The following AHNAK variants were observed in gnomAD, a reference collection of about 807,000 sequenced individuals.
AHNAK encodes the protein AHNAK nucleoprotein.
AHNAK carries 23 observed loss-of-function variants against 37.8 expected under a neutral mutation model. The observed-to-expected ratio is 0.61, with a 90% confidence interval of 0.44 to 0.86. The LOEUF (loss-of-function observed/expected upper bound fraction) is 0.86, where lower values mean the gene tolerates loss of function less well. Among genes scored for constraint, AHNAK ranks in the 40% least tolerant of loss-of-function variants. AHNAK has a pLI of 0.00. For missense variants in AHNAK, 7,411 were observed against 7,319.4 expected (o/e 1.01, Z -0.46); for synonymous variants, 2,481 against 2,636.3 (o/e 0.94, Z 1.80).
chr11:62,457,067 G>C (rs533072154), intron 5 of AHNAK, among the ~76,000 whole-genome samples: 1 of 152,164 alleles, frequency 6.6e-6, no homozygotes, highest in Admixed American at 6.5e-5. Context: ...TTGGGAGGCC[G>C]AGGCGGGAGG....
intron 5 of AHNAK, among the ~76,000 whole-genome samples, chr11:62,457,569 C>A (rs1419153012): frequency 2.6e-5 from 4 of 151,938 alleles, no homozygotes; most frequent in Admixed American, 1.3e-4. Context: ...GCGGAGGTTG[C>A]AGTGAGCCAA....
downstream of AHNAK, among the ~76,000 whole-genome samples, chr11:62,514,490 T>A (rs1245987774): frequency 6.6e-6 from 1 of 152,298 alleles, no homozygotes; most frequent in South Asian, 2.1e-4. Context: ...GCAGGGGGTT[T>A]CTGTAGAAGA....
intron 5 of AHNAK, among the ~76,000 whole-genome samples, chr11:62,444,688 G>C (rs1452314663): frequency 1.3e-5 from 2 of 152,176 alleles, no homozygotes; most frequent in Non-Finnish European, 2.9e-5. Context: ...TTTCCCATGG[G>C]GCACAGCACG....
rs746097484 is a variant in AHNAK, at chr11:62,533,557, C to G, written c.860G>C (p.Arg287Thr). ...AGATGGGCCCTGTACCTCTACTGCC[C>G]TACCCCCAAGAGAAGATGAAATGTC... Reference protein sequence around the residue: ...AVDISSSLGGRAVEVQGPSLE... With the variant: ...AVDISSSLGGTAVEVQGPSLE... Residue 287 changes from arginine to threonine, a missense_variant, in exon 5 of 5, where the codon AGG (arginine) becomes ACG (threonine). Arg to Thr is a moderately conservative substitution (Grantham distance 71). Transcript: ENST00000378024. The G allele has an allele frequency of 4.3e-6, 7 of 1,614,190 alleles. No individual in the cohort carries two copies. In the South Asian group the frequency reaches 6.6e-5, roughly 15 times the overall value.
rs756940344 is a variant in AHNAK at position 62,522,650 on chromosome 11, C to T, written c.11767G>A (p.Val3923Ile). 16 of 1,612,848 alleles carry T rather than the reference C, an allele frequency of 9.9e-6. No individual in the cohort carries two copies. Among genetic ancestry groups the T allele is most frequent in the South Asian group, 4.4e-5 (4 of 91,022 alleles). Reference sequence around the variant, plus strand: ...TTCAGGTGCCAGTCTGGGCCTCGAACATCCACATCTGGGGCATTAATATCC... The same window carrying T: ...TTCAGGTGCCAGTCTGGGCCTCGAATATCCACATCTGGGGCATTAATATCC... ...KVDINAPDVD[V>I]RGPDWHLKMP... The change falls in exon 5 of 5, where the codon GTT becomes ATT. Residue 3923 changes from valine to isoleucine, a missense_variant. Physicochemically the swap from Val to Ile is conservative, Grantham distance 29 (BLOSUM62 3). Transcript: ENST00000378024.
At chr11:62,433,852 T>C (rs1339754347) in exon 6 of AHNAK, 1 of 1,613,738 alleles carries the variant, frequency 6.2e-7, no homozygotes, top group African/African-American at 1.3e-5. Flanking sequence ...AAAAACAACC[T>C]TAAGAGGGGG....
chr11:62,456,501 G>A (rs1938661328), intron 5 of AHNAK, among the ~76,000 whole-genome samples: 2 of 152,192 alleles, frequency 1.3e-5, no homozygotes. Context: ...TTGCCCAAGA[G>A]CACCCAGCAG....
chr11:62,526,911 T>C lies in AHNAK; in HGVS notation c.7506A>G (p.Gln2502=). 4.3e-6 allele frequency: 7 copies of C among 1,614,114 alleles called. No individual in the cohort carries two copies. Among genetic ancestry groups the C allele is most frequent in the Non-Finnish European group, 5.9e-6 (7 of 1,180,012 alleles). The change falls in exon 5 of 5, where the codon CAA becomes CAG. Residue 2502 remains glutamine, a synonymous_variant. Coordinates refer to ENST00000378024, the MANE Select transcript of AHNAK (RefSeq NM_001620.3). ...PKVDVNAPDV[Q]APDWHLKMPK... is the part of the protein sequence containing the mutation. ...GCATCTTCAGGTGCCAGTCTGGAGC[T>C]TGGACATCGGGGGCATTTACATCAA...
At chr11:62,537,745 C>T (rs898302654) in intron 1 of AHNAK, among the ~76,000 whole-genome samples, 1 of 151,496 alleles carries the variant, frequency 6.6e-6, no homozygotes, top group Non-Finnish European at 1.5e-5. Context: ...TGCAATGGCA[C>T]GATCTCAGCT....
rs1940006102 is a variant in AHNAK at position 62,515,999 on chromosome 11, T to C, written c.*745A>G. 1 of 1,170,992 alleles carries C rather than the reference T, an allele frequency of 8.5e-7. No homozygotes were observed. Among genetic ancestry groups the C allele is most frequent in the Non-Finnish European group, 1.1e-6 (1 of 931,508 alleles). The allele number at this position is 1,170,992 out of a possible 1,614,324, so 72.5% of individuals were successfully genotyped here. ...AAAGTGCTGGAAATTTTCTTAATCATGATAACATTTGTTAAAAAGAAATCA... is the reference window on the plus strand; with the variant it reads ...AAAGTGCTGGAAATTTTCTTAATCACGATAACATTTGTTAAAAAGAAATCA... On this transcript the variant is annotated 3_prime_UTR_variant, in exon 5 of 5. Transcript: ENST00000378024.
At position 62,529,532 on chromosome 11, in the gene AHNAK, T is replaced by C; in HGVS notation, c.4885A>G (p.Ile1629Val). 1 of 1,614,132 alleles carries C rather than the reference T, an allele frequency of 6.2e-7. No homozygotes were observed. The highest frequency in any genetic ancestry group is 8.5e-7 in the Non-Finnish European group (1 of 1,180,024). The change falls in exon 5 of 5, where the codon ATT becomes GTT. Residue 1629 changes from isoleucine to valine, a missense_variant. By Grantham distance (29) the Ile-to-Val change is conservative. Coordinates refer to ENST00000378024, the MANE Select transcript of AHNAK (RefSeq NM_001620.3). Reference protein sequence around the residue: ...KMDVNVGDIDIEGPEGKLKGP... With the variant: ...KMDVNVGDIDVEGPEGKLKGP... ...TTCAACTTCCCTTCTGGACCTTCAA[T>C]ATCAATATCACCAACATTCACATCC... is the stretch of plus-strand genomic sequence containing the variant.
At chr11:62,435,539 G>T (rs1006368750) in intron 5 of AHNAK, among the ~76,000 whole-genome samples, 1 of 107,756 alleles carries the variant, frequency 9.3e-6, no homozygotes, top group Non-Finnish European at 2.2e-5. Flanking sequence ...AGCCTCCCGA[G>T]TAGCTGGGGA....
Position 62,536,471 on chromosome 11 carries a change from T to G in AHNAK, c.-3A>C, listed in dbSNP as rs1325866558. 2 of 185,862 alleles carry G rather than the reference T, an allele frequency of 1.1e-5. No individual in the cohort carries two copies. The highest frequency in any genetic ancestry group is 2.1e-3 in the Middle Eastern group (1 of 486). 11.5% of individuals were successfully genotyped at this position (185,862 alleles called of 1,614,324 possible). On this transcript the variant is annotated splice_region_variant and 5_prime_UTR_variant, in exon 2 of 5. Transcript: ENST00000378024. ...CTCTGCCTCTCCCACCTACTGACCT[T>G]TGCAGGATTCCGCTCAGGAGCGAAT...
Position 62,527,236 on chromosome 11 carries a change from T to G in AHNAK, c.7181A>C (p.His2394Pro). The change falls in exon 5 of 5, where the codon CAC becomes CCC. Residue 2394 changes from histidine (H) to proline (P), a missense_variant. By Grantham distance (77) the His-to-Pro change is moderately conservative (BLOSUM62 -2). Transcript: ENST00000378024. ...TCCTTTTGCCTTGGGGCTCTTCAAG[T>G]GTAGATCGAGGTCTGGCATAGAGAT... ...PKISMPDLDL[H>P]LKSPKAKGEV... 6.2e-7 allele frequency: 1 copy of G among 1,613,572 alleles called. No homozygotes were observed.
At chr11:62,492,420 G>A (rs1300884262) in intron 4 of AHNAK, among the ~76,000 whole-genome samples, 1 of 152,166 alleles carries the variant, frequency 6.6e-6, no homozygotes, top group African/African-American at 2.4e-5. Flanking sequence ...CATCAAGAAG[G>A]AGAGCCCACC....
chr11:62,460,922 G>A (rs994390626), intron 5 of AHNAK, among the ~76,000 whole-genome samples: 21 of 151,302 alleles, frequency 1.4e-4, no homozygotes, highest in African/African-American at 3.9e-4. Context: ...CCGGGTTCAC[G>A]CCATTCTCCT....
intron 5 of AHNAK, among the ~76,000 whole-genome samples, chr11:62,437,498 G>T (rs947152814): frequency 0.019 from 1 of 52 alleles, no homozygotes; most frequent in South Asian, 0.25. Context: ...AGGATTACAG[G>T]CACTCATCTG....
rs756810830 is a variant in AHNAK, at chr11:62,528,662, C to T, written c.5755G>A (p.Ala1919Thr). ...KFKMPDMHFK[A>T]PKISMPDVDL... ...ACATCAGGCATGGAGATCTTGGGGG[C>T]CTTGAAGTGCATGTCTGGCATCTTA... Residue 1919 changes from alanine (A) to threonine (T), a missense_variant, in exon 5 of 5, where the codon GCC becomes ACC. Physicochemically the swap from Ala to Thr is moderately conservative, Grantham distance 58. Coordinates refer to ENST00000378024, the MANE Select transcript of AHNAK (RefSeq NM_001620.3). The T allele has an allele frequency of 2.7e-5, 44 of 1,603,952 alleles. No homozygotes were observed. Among genetic ancestry groups the T allele is most frequent in the Non-Finnish European group, 3.5e-5 (41 of 1,177,244 alleles).
intron 4 of AHNAK, among the ~76,000 whole-genome samples, chr11:62,498,035 A>G (rs956223732): frequency 6.6e-6 from 1 of 152,230 alleles, no homozygotes; most frequent in Non-Finnish European, 1.5e-5. Context: ...AATATGCAAT[A>G]TATCTATGCT....
Sources: allele counts gnomAD v4.1 joint callset (sites outside exome capture counted in the v4.1 genomes callset), GRCh38; gene constraint gnomAD v4.1.1; transcripts MANE v1.5; gene names NCBI Gene and HGNC (gene_info 2026-07-23, HGNC 2026-07-21).